The following DNAJC11 variants were observed in gnomAD, a reference collection of about 807,000 sequenced individuals.
DNAJC11 encodes the protein DnaJ heat shock protein family (Hsp40) member C11, also known as dnaJ homolog subfamily C member 11.
A neutral mutation model predicts 78.6 loss-of-function variants in DNAJC11; 15 were observed. The observed-to-expected ratio is 0.19, with a 90% CI of 0.13 to 0.29. DNAJC11 has a LOEUF of 0.29. Among genes scored for constraint, DNAJC11 ranks in the 10% least tolerant of loss-of-function variants. The pLI is 1.00. For missense variants in DNAJC11, 547 were observed against 709.6 expected, an observed-to-expected ratio of 0.77 and a Z score of 2.60; for synonymous variants, 292 against 272.1, an observed-to-expected ratio of 1.07 and a Z score of -0.72.
intron 7 of DNAJC11, chr1:6,651,241 T>C (rs893294117): frequency 2.1e-5 from 13 of 627,720 alleles, no homozygotes; most frequent in African/African-American, 2.0e-4. Context: ...CAACTCTCCC[T>C]GAAGGCACTC....
chr1:6,670,359 C>T (rs1485270730), intron 3 of DNAJC11: 2 of 152,078 alleles, frequency 1.3e-5, no homozygotes, highest in Non-Finnish European at 2.9e-5. Context: ...TTTTGTATCT[C>T]TTCCTAAAAA....
intron 1 of DNAJC11, among the ~76,000 whole-genome samples, chr1:6,700,962 T>A (rs185133058): frequency 1.5e-4 from 23 of 152,172 alleles, no homozygotes; most frequent in Admixed American, 1.2e-3. Context: ...AACAAAGGAG[T>A]GTAGTGGGGC....
At chr1:6,649,985 G>C (rs893568963) in intron 7 of DNAJC11, among the ~76,000 whole-genome samples, 5 of 151,838 alleles carry the variant, frequency 3.3e-5, no homozygotes. Context: ...TGATAAGAAA[G>C]TTATTCATGC....
chr1:6,693,316 T>C (rs1368286297), intron 1 of DNAJC11, among the ~76,000 whole-genome samples: 2 of 152,242 alleles, frequency 1.3e-5, no homozygotes, highest in Non-Finnish European at 2.9e-5. Flanking sequence ...GGATGAAGCA[T>C]ACCAAGTATG....
intron 1 of DNAJC11, among the ~76,000 whole-genome samples, chr1:6,688,913 T>A (rs1642699359): frequency 6.6e-6 from 1 of 152,210 alleles, no homozygotes; most frequent in African/African-American, 2.4e-5. Context: ...ATTATGTGCC[T>A]GGCACTGTGC....
At chr1:6,698,025 C>T (rs560680758) in intron 1 of DNAJC11, among the ~76,000 whole-genome samples, 1 of 152,132 alleles carries the variant, frequency 6.6e-6, no homozygotes, top group Non-Finnish European at 1.5e-5. Context: ...CTCCTGACCT[C>T]GTGATCCGCC....
chr1:6,637,607 C>T (rs1278749863), intron 12 of DNAJC11, 103 bp from the exon 13 acceptor site: 2 of 1,346,910 alleles, frequency 1.5e-6, no homozygotes. Flanking sequence ...AACATACTTG[C>T]TCAGGGCCTG....
intron 3 of DNAJC11, among the ~76,000 whole-genome samples, chr1:6,672,678 T>C (rs1271897507): frequency 6.6e-6 from 1 of 152,100 alleles, no homozygotes; most frequent in African/African-American, 2.4e-5. Flanking sequence ...CCAGCCTTGA[T>C]TATTTATATC....
chr1:6,636,253 C>T lies in DNAJC11; in HGVS notation c.1525-7G>A, dbSNP rs779544526. The T allele has an allele frequency of 2.5e-6, 4 of 1,613,772 alleles. No homozygotes were observed. Among genetic ancestry groups the T allele is most frequent in the Non-Finnish European group, 3.4e-6 (4 of 1,179,878 alleles). On this transcript the variant is annotated splice_polypyrimidine_tract_variant and splice_region_variant and intron_variant, in intron 14 of 15. Coordinates refer to ENST00000377577, the MANE Select transcript of DNAJC11 (RefSeq NM_018198.4). Reference sequence around the variant, plus strand: ...AAAAGCCAGGCAGCCCAGCCTGTAACAAACAAATTGCTACTCTCAATACTC... The same window carrying T: ...AAAAGCCAGGCAGCCCAGCCTGTAATAAACAAATTGCTACTCTCAATACTC...
chr1:6,692,643 T>G (rs1642763919), intron 1 of DNAJC11, among the ~76,000 whole-genome samples: 2 of 146,262 alleles, frequency 1.4e-5, no homozygotes, highest in African/African-American at 5.1e-5. Flanking sequence ...GGAGTTTTGC[T>G]CTTGTTGCCC....
rs1472707942 is a variant in DNAJC11, at chr1:6,653,504, C to T, written c.507+407G>A. Among the ~76,000 whole-genome samples the T allele has an allele frequency of 2.6e-5, 4 of 152,206 alleles. No homozygotes were observed. Among genetic ancestry groups the T allele is most frequent in the African/African-American group, 7.2e-5 (3 of 41,446 alleles). On this transcript the variant is annotated intron_variant, in intron 5 of 15. Coordinates refer to ENST00000377577, the MANE Select transcript of DNAJC11 (RefSeq NM_018198.4). This position sits in a 1 kb window ranked among gnomAD's most constrained non-coding sequence, Gnocchi z 4.5. Reference sequence around the variant, plus strand: ...AGTGGGCAGAATGGTGACATTTTCGCGTGCCCAGGGCTCAGGATGAGAGCT... The same window carrying T: ...AGTGGGCAGAATGGTGACATTTTCGTGTGCCCAGGGCTCAGGATGAGAGCT...
Position 6,649,766 on chromosome 1 carries a change from G to A in DNAJC11, c.704+1763C>T, listed in dbSNP as rs1317283773. 2.0e-5 allele frequency among the ~76,000 whole-genome samples: 3 copies of A among 150,840 alleles called. No homozygotes were observed. The East Asian group carries it at 6.0e-4, about 30-fold the overall frequency. On this transcript the variant is annotated intron_variant, in intron 7 of 15. Transcript: ENST00000377577. ...TCTGCTGCTTAGGCTGGAGTACAGT[G>A]GTGTGATCTTGGATCATTGCAACCT...
intron 1 of DNAJC11, among the ~76,000 whole-genome samples, chr1:6,687,446 T>A (rs927399572): frequency 7.1e-6 from 1 of 141,148 alleles, no homozygotes; most frequent in Non-Finnish European, 1.5e-5. Flanking sequence ...AAGCTCCGCC[T>A]CCCGGGTTCA....
intron 1 of DNAJC11, among the ~76,000 whole-genome samples, chr1:6,685,206 CGA>C (rs1642634587): frequency 6.6e-6 from 1 of 152,212 alleles, no homozygotes; most frequent in African/African-American, 2.4e-5. Flanking sequence ...GTCTGTACCA[CGA>C]TTGCATTTGG....
At chr1:6,686,284 A>G (rs1211187367) in intron 1 of DNAJC11, among the ~76,000 whole-genome samples, 1 of 152,244 alleles carries the variant, frequency 6.6e-6, no homozygotes, top group East Asian at 1.9e-4. Context: ...TTAAGAATGT[A>G]AAGGAATCCT....
At chr1:6,671,199 G>C (rs577029059) in intron 3 of DNAJC11, among the ~76,000 whole-genome samples, 2 of 152,136 alleles carry the variant, frequency 1.3e-5, no homozygotes, top group Non-Finnish European at 2.9e-5. Flanking sequence ...AAAGAGATTT[G>C]ATTTGACTTG....
chr1:6,701,675 C>T, intron 1 of DNAJC11, 54 bp downstream of exon 1: 1 of 1,478,654 alleles, frequency 6.8e-7, no homozygotes, highest in South Asian at 1.3e-5. Flanking sequence ...GCCCGGCCCT[C>T]CCGAACGACC....
At chr1:6,635,830 G>T in intron 15 of DNAJC11, 130 bp from the exon 16 acceptor site, 1 of 1,156,904 alleles carries the variant, frequency 8.6e-7, no homozygotes, top group Non-Finnish European at 1.3e-6. Context: ...ACCCGCTGCT[G>T]AAAATCAACT....
rs1421983691 is a variant in DNAJC11 at position 6,645,679 on chromosome 1, C to T, written c.894+110G>A. On this transcript the variant is annotated intron_variant, in intron 8 of 15. Coordinates refer to ENST00000377577, the MANE Select transcript of DNAJC11 (RefSeq NM_018198.4). The surrounding 1 kb of genome is among the most constrained non-coding windows in gnomAD (Gnocchi z 4.1). ...CCTGCCCCTCAGGGCCCTGTATGGGCTTAGACTTAGTGGTGATCAGGACGC... is the reference window on the plus strand; with the variant it reads ...CCTGCCCCTCAGGGCCCTGTATGGGTTTAGACTTAGTGGTGATCAGGACGC... 1 of 1,303,694 alleles carries T rather than the reference C, an allele frequency of 7.7e-7. No homozygotes were observed. The highest frequency in any genetic ancestry group is 1.5e-5 in the African/African-American group (1 of 68,460). 80.8% of individuals were successfully genotyped at this position (1,303,694 alleles called of 1,614,324 possible).
Sources: gnomAD v4.1 joint callset for allele counts (sites outside exome capture counted in the v4.1 genomes callset) on GRCh38, gnomAD v4.1.1 for gene constraint, Gnocchi (gnomAD v3.1) non-coding constraint, MANE v1.5 for transcripts, NCBI Gene and HGNC (gene_info 2026-07-23, HGNC 2026-07-21) for gene names.